The following ERBB4 variants were observed in gnomAD, a reference collection of about 807,000 sequenced individuals.
ERBB4 encodes erb-b2 receptor tyrosine kinase 4.
Under a neutral mutation model 158.0 loss-of-function variants are expected in ERBB4, and 42 were observed. That is an observed-to-expected ratio of 0.27 (90% CI 0.21 to 0.34). The LOEUF is 0.34. ERBB4 is among the 10% of genes least tolerant of loss of function. The probability of loss-of-function intolerance (pLI) is 1.00; values close to 1 mark genes in which losing one functional copy is unlikely to be tolerated. For synonymous variants in ERBB4, 583 were observed against 558.7 expected, an observed-to-expected ratio of 1.04 and a Z score of -0.61; for missense variants, 1,333 against 1,624.1, an observed-to-expected ratio of 0.82 and a Z score of 3.08.
intron 1 of ERBB4, among the ~76,000 whole-genome samples, chr2:212,198,484 T>A (rs186458644): frequency 6.6e-6 from 1 of 152,312 alleles, no homozygotes; most frequent in East Asian, 1.9e-4. Flanking sequence ...TTTCTCATTT[T>A]ATGACTGGCT....
chr2:212,318,685 C>G (rs765846909), intron 1 of ERBB4, among the ~76,000 whole-genome samples: 3 of 151,470 alleles, frequency 2.0e-5, no homozygotes, highest in Non-Finnish European at 4.4e-5. Flanking sequence ...GAGAGAGTTG[C>G]CTAAAACCCA....
chr2:212,477,957 T>C (rs1280716753), intron 1 of ERBB4, among the ~76,000 whole-genome samples: 3 of 152,124 alleles, frequency 2.0e-5, no homozygotes, highest in South Asian at 4.1e-4. Context: ...ATTTTTAGCC[T>C]TCATCCTAGA....
chr2:212,105,894 C>T (rs1015418445), intron 2 of ERBB4, among the ~76,000 whole-genome samples: 1 of 152,146 alleles, frequency 6.6e-6, no homozygotes, highest in African/African-American at 2.4e-5. Context: ...GGAGAGTTTT[C>T]TTGCACAAGT....
chr2:212,335,804 T>C (rs573025940), intron 1 of ERBB4, among the ~76,000 whole-genome samples: 2 of 152,096 alleles, frequency 1.3e-5, no homozygotes, highest in South Asian at 4.1e-4. Context: ...GTGCTCCCTT[T>C]TGTTACCTAG....
intron 1 of ERBB4, among the ~76,000 whole-genome samples, chr2:212,509,086 T>C (rs1368035691): frequency 6.6e-6 from 1 of 152,092 alleles, no homozygotes; most frequent in Non-Finnish European, 1.5e-5. Context: ...TTCCAGAATA[T>C]TCCCATAACT....
chr2:211,719,080 A>G (rs1227628073), intron 7 of ERBB4, among the ~76,000 whole-genome samples: 3 of 152,298 alleles, frequency 2.0e-5, no homozygotes, highest in Admixed American at 1.3e-4. Context: ...TTGATTTTAT[A>G]AACTCCCATG....
intron 1 of ERBB4, among the ~76,000 whole-genome samples, chr2:212,412,254 T>C (rs1356099952): frequency 6.6e-6 from 1 of 152,188 alleles, no homozygotes; most frequent in Non-Finnish European, 1.5e-5. Context: ...GTGATATGGT[T>C]TGGATCTGTG....
At chr2:212,003,124 G>A (rs5005260) in intron 2 of ERBB4, among the ~76,000 whole-genome samples, 246 of 16,818 alleles carry the variant, frequency 0.015, no homozygotes, top group Admixed American at 0.023. Flanking sequence ...AAGGAAGGAA[G>A]GAAGGAAGGA....
intron 1 of ERBB4, among the ~76,000 whole-genome samples, chr2:212,241,103 C>T (rs539120137): frequency 6.6e-6 from 1 of 151,862 alleles, no homozygotes; most frequent in Non-Finnish European, 1.5e-5. Context: ...AAAATTAAAG[C>T]ATTCAGGGCT....
chr2:211,571,680 A>G (rs1384813505), intron 19 of ERBB4, among the ~76,000 whole-genome samples: 1 of 152,174 alleles, frequency 6.6e-6, no homozygotes, highest in Non-Finnish European at 1.5e-5. Context: ...GGAAGCAGTA[A>G]TGTGAGTCAG....
chr2:211,931,194 GT>G (rs1559126175), intron 3 of ERBB4, among the ~76,000 whole-genome samples: 1 of 151,944 alleles, frequency 6.6e-6, no homozygotes, highest in East Asian at 1.9e-4. Context: ...GTCATCAAAA[GT>G]TTTTCCTTTC....
intron 3 of ERBB4, among the ~76,000 whole-genome samples, chr2:211,875,025 C>CAAAAAAAAAAAATAAA (rs2078456589): frequency 3.7e-5 from 1 of 27,032 alleles, no homozygotes; most frequent in Non-Finnish European, 6.5e-5. Context: ...AATAGAAATG[C>CAAAAAAAAAAAATAAA]AAAAAAAAAA....
At chr2:212,049,875 G>A (rs922594772) in intron 2 of ERBB4, among the ~76,000 whole-genome samples, 1 of 152,128 alleles carries the variant, frequency 6.6e-6, no homozygotes, top group African/African-American at 2.4e-5. Flanking sequence ...AGTGGGATAT[G>A]CTATGTACTA....
chr2:211,981,072 G>A (rs1427856964), intron 2 of ERBB4, among the ~76,000 whole-genome samples: 1 of 132,454 alleles, frequency 7.5e-6, no homozygotes, highest in African/African-American at 2.5e-5. Flanking sequence ...TGTTCATTTA[G>A]TTAAAATTAA....
intron 19 of ERBB4, among the ~76,000 whole-genome samples, chr2:211,603,760 T>C (rs1345518337): frequency 6.6e-6 from 1 of 152,166 alleles, no homozygotes; most frequent in Non-Finnish European, 1.5e-5. Context: ...CCAATGAGAA[T>C]CGTTTTCCTA....
At chr2:212,167,623 G>T (rs145477507) in intron 1 of ERBB4, among the ~76,000 whole-genome samples, 1 of 151,956 alleles carries the variant, frequency 6.6e-6, no homozygotes, top group African/African-American at 2.4e-5. Context: ...TCATTCTACT[G>T]TAAAGATGCA....
intron 2 of ERBB4, among the ~76,000 whole-genome samples, chr2:212,087,856 TG>T (rs1431714566): frequency 6.6e-6 from 1 of 152,120 alleles, no homozygotes; most frequent in Non-Finnish European, 1.5e-5. Flanking sequence ...CTTGTGACTT[TG>T]GGCAATTTAT....
chr2:212,096,725 C>T (rs1400938580), intron 2 of ERBB4, among the ~76,000 whole-genome samples: 1 of 151,982 alleles, frequency 6.6e-6, no homozygotes, highest in Non-Finnish European at 1.5e-5. Flanking sequence ...CTGCTTAGAC[C>T]CTGGGAAACT....
chr2:211,644,121 G>C (rs1053277417), intron 16 of ERBB4, among the ~76,000 whole-genome samples: 1 of 151,898 alleles, frequency 6.6e-6, no homozygotes, highest in African/African-American at 2.4e-5. Context: ...CTCCACAGGG[G>C]ACTTGGCGAA....
Sources: allele counts gnomAD v4.1 joint callset (sites outside exome capture counted in the v4.1 genomes callset), GRCh38; gene constraint gnomAD v4.1.1; transcripts MANE v1.5; gene names NCBI Gene and HGNC (gene_info 2026-07-23, HGNC 2026-07-21).